The following C4orf50 variants were observed in gnomAD, a reference collection of about 807,000 sequenced individuals.
C4orf50 encodes the protein chromosome 4 open reading frame 50, also known as uncharacterized protein C4orf50.
C4orf50 carries 80 observed loss-of-function variants against 77.2 expected under a neutral mutation model. The ratio of observed to expected loss-of-function variants is 1.04; its 90% CI spans 0.87 to 1.25. The LOEUF (loss-of-function observed/expected upper bound fraction) is 1.25. Among genes scored for constraint, C4orf50 ranks in the 50% most tolerant of loss-of-function variants. C4orf50 has a pLI of 0.00. For synonymous variants in C4orf50, 532 were observed against 465.3 expected, an observed-to-expected ratio of 1.14 and a Z score of -1.84; for missense variants, 1,257 against 1,152.9, an observed-to-expected ratio of 1.09 and a Z score of -1.31.
At chr4:5,983,499 AC>A (rs1720708784) in intron 28 of C4orf50, among the ~76,000 whole-genome samples, 1 of 152,106 alleles carries the variant, frequency 6.6e-6, no homozygotes, top group African/African-American at 2.4e-5. Context: ...CTCTTTTCTA[AC>A]CTTCGAAGTC....
At chr4:5,977,327 C>G (rs1025354179) in intron 29 of C4orf50, among the ~76,000 whole-genome samples, 1 of 152,178 alleles carries the variant, frequency 6.6e-6, no homozygotes, top group Non-Finnish European at 1.5e-5. Context: ...AATAAAAAGC[C>G]GCAAGCCTCT....
chr4:5,997,924 G>C (rs1721668163), intron 25 of C4orf50, among the ~76,000 whole-genome samples: 1 of 152,178 alleles, frequency 6.6e-6, no homozygotes, highest in Non-Finnish European at 1.5e-5. Context: ...GATAGTTCCA[G>C]ATCAAATCAA....
chr4:5,950,290 T>C (rs532484486), intron 7 of C4orf50, among the ~76,000 whole-genome samples: 15 of 152,272 alleles, frequency 9.9e-5, no homozygotes, highest in South Asian at 8.3e-4. Flanking sequence ...GAGTCGTCAT[T>C]TGTTTGAGGT....
intron 25 of C4orf50, among the ~76,000 whole-genome samples, chr4:6,004,080 G>GGTGA (rs1722039321): frequency 3.3e-5 from 1 of 30,204 alleles, no homozygotes; most frequent in Non-Finnish European, 6.4e-5. Flanking sequence ...TGGTGATGAT[G>GGTGA]TGATAGTGAT....
chr4:5,911,192 AG>A (rs1295738205), intron 7 of C4orf50, among the ~76,000 whole-genome samples: 1 of 152,096 alleles, frequency 6.6e-6, no homozygotes, highest in African/African-American at 2.4e-5. Context: ...TACAGGCGTA[AG>A]CCACCATGCC....
exon 34 of C4orf50, chr4:5,959,501 G>A (rs777642048): frequency 2.0e-5 from 33 of 1,614,064 alleles, no homozygotes; most frequent in Non-Finnish European, 2.4e-5. Context: ...GGACGTTATC[G>A]ACTTGGAGGG....
chr4:5,929,393 A>G (rs981175688), intron 7 of C4orf50, among the ~76,000 whole-genome samples: 1 of 152,234 alleles, frequency 6.6e-6, no homozygotes, highest in South Asian at 2.1e-4. Flanking sequence ...CAACCAAGGT[A>G]GCCAGAATTT....
intron 31 of C4orf50, among the ~76,000 whole-genome samples, chr4:5,969,927 G>C (rs988666913): frequency 2.6e-5 from 4 of 152,194 alleles, no homozygotes; most frequent in Admixed American, 1.3e-4. Flanking sequence ...TGGACCCCAG[G>C]CCAGACCCTA....
intron 33 of C4orf50, among the ~76,000 whole-genome samples, chr4:5,962,468 C>T (rs1719323699): frequency 6.6e-6 from 1 of 152,236 alleles, no homozygotes; most frequent in African/African-American, 2.4e-5. Flanking sequence ...AGCTTTGCTA[C>T]AGGTTTCTGG....
At chr4:5,957,306 C>T (rs1190055251) in exon 34 of C4orf50, 2 of 152,256 alleles carry the variant, frequency 1.3e-5, no homozygotes, top group Admixed American at 6.5e-5. Flanking sequence ...GGTGGCACCA[C>T]GCTGCATCTC....
intron 7 of C4orf50, among the ~76,000 whole-genome samples, chr4:5,950,107 T>A (rs1718654512): frequency 6.6e-6 from 1 of 152,130 alleles, no homozygotes; most frequent in South Asian, 2.1e-4. Context: ...AAAACTGCAA[T>A]TATTTTTGCA....
chr4:6,005,488 C>G (rs1722212459), intron 25 of C4orf50, among the ~76,000 whole-genome samples: 1 of 152,182 alleles, frequency 6.6e-6, no homozygotes, highest in East Asian at 1.9e-4. Flanking sequence ...TGCTGCTGCC[C>G]TAGGCTCCTC....
At chr4:5,955,587 A>G (rs1452912379), downstream of C4orf50, among the ~76,000 whole-genome samples, 1 of 152,168 alleles carries the variant, frequency 6.6e-6, no homozygotes, top group Non-Finnish European at 1.5e-5. This position sits in a 1 kb window ranked among gnomAD's most constrained non-coding sequence, Gnocchi z 5.1. Flanking sequence ...TGGGGATAGG[A>G]ACGCAGGACC....
At chr4:5,977,984 A>G (rs1720378442) in intron 29 of C4orf50, among the ~76,000 whole-genome samples, 1 of 152,270 alleles carries the variant, frequency 6.6e-6, no homozygotes, top group Non-Finnish European at 1.5e-5. Flanking sequence ...AAGAGAGTCA[A>G]TTAACCCTAT....
chr4:6,015,188 C>A lies in C4orf50; in HGVS notation c.287+2957G>T, dbSNP rs946957921. Reference sequence around the variant, plus strand: ...GCATCCTGTGTTGAAGGCCTAACCCCCAAGTTCCTTAGAATGTGATTATAT... The same window carrying A: ...GCATCCTGTGTTGAAGGCCTAACCCACAAGTTCCTTAGAATGTGATTATAT... On this transcript the variant is annotated intron_variant, in intron 23 of 33. Transcript: ENST00000531445. This position sits in a 1 kb window ranked among gnomAD's most constrained non-coding sequence, Gnocchi z 4.4. Among the ~76,000 whole-genome samples the A allele has an allele frequency of 6.6e-6, 1 of 152,130 alleles. No homozygotes were observed. Among genetic ancestry groups the A allele is most frequent in the African/African-American group, 2.4e-5 (1 of 41,432 alleles).
intron 7 of C4orf50, among the ~76,000 whole-genome samples, chr4:5,949,068 C>T (rs1577921016): frequency 6.6e-6 from 1 of 151,746 alleles, no homozygotes; most frequent in East Asian, 1.9e-4. Flanking sequence ...ACCATTGAAT[C>T]TGGATAAAAT....
At chr4:5,995,332 G>A (rs937497663) in intron 25 of C4orf50, among the ~76,000 whole-genome samples, 5 of 152,290 alleles carry the variant, frequency 3.3e-5, no homozygotes, top group South Asian at 2.1e-4. Flanking sequence ...CTCCAAATGC[G>A]ACTGCCCGGT....
At chr4:5,988,711 C>T (rs1469589536) in exon 28 of C4orf50, 1 of 1,536,100 alleles carries the variant, frequency 6.5e-7, no homozygotes, top group Non-Finnish European at 8.7e-7. Flanking sequence ...CACCAAACGC[C>T]CCTGATCCGT....
chr4:5,994,712 C>G (rs780171317), intron 25 of C4orf50, among the ~76,000 whole-genome samples: 4 of 152,294 alleles, frequency 2.6e-5, no homozygotes, highest in Middle Eastern at 3.4e-3. Context: ...CCACAGACAA[C>G]GAGGGCAGCG....
Sources: gnomAD v4.1 joint callset for allele counts (sites outside exome capture counted in the v4.1 genomes callset) on GRCh38, gnomAD v4.1.1 for gene constraint, Gnocchi (gnomAD v3.1) non-coding constraint, MANE v1.5 for transcripts, NCBI Gene and HGNC (gene_info 2026-07-23, HGNC 2026-07-21) for gene names.